Variants in TMX1 observed in about 807,000 individuals in gnomAD.
TMX1 encodes thioredoxin-related transmembrane protein 1.
A neutral mutation model predicts 36.6 loss-of-function variants in TMX1; 25 were observed. The ratio of observed to expected loss-of-function variants is 0.68; its 90% confidence interval spans 0.50 to 0.95. TMX1 has a LOEUF of 0.95. Among genes scored for constraint, TMX1 ranks in the 40% least tolerant of loss-of-function variants. The pLI is 0.00. For missense variants in TMX1, 347 were observed against 339.6 expected (o/e 1.02, Z -0.17); for synonymous variants, 133 against 118.0 (o/e 1.13, Z -0.82).
chr14:51,253,873 A>G (rs2065826144), intron 7 of TMX1: 1 of 152,462 alleles, frequency 6.6e-6, no homozygotes, highest in Non-Finnish European at 1.5e-5. Flanking sequence ...ATACTGTTTA[A>G]GTTTTAGTAT....
chr14:51,245,451 T>A, intron 3 of TMX1, 93 bp downstream of exon 3: 1 of 1,571,988 alleles, frequency 6.4e-7, no homozygotes, highest in Non-Finnish European at 8.6e-7. Context: ...CTGGAAGAGC[T>A]GAGGTAATCT....
In TMX1 at chr14:51,256,635, C is replaced by T. The variant is rs2065839929; in HGVS notation, c.*2116C>T. On this transcript the variant is annotated 3_prime_UTR_variant, in exon 8 of 8. Transcript: ENST00000457354. ...CTCTAGAGGAAAATACAGTATTCTACCTTACGTTGTGTAAATACTTAATGA... is the reference window on the plus strand; with the variant it reads ...CTCTAGAGGAAAATACAGTATTCTATCTTACGTTGTGTAAATACTTAATGA... 6.6e-6 allele frequency: 1 copy of T among 152,072 alleles called. No individual in the cohort carries two copies. The highest frequency in any genetic ancestry group is 1.5e-5 in the Non-Finnish European group (1 of 67,990). 9.4% of individuals were successfully genotyped at this position (152,072 alleles called of 1,614,324 possible).
intron 1 of TMX1, among the ~76,000 whole-genome samples, chr14:51,241,333 A>G (rs922169850): frequency 4.6e-5 from 7 of 152,228 alleles, no homozygotes; most frequent in African/African-American, 1.7e-4. Context: ...TATTAGCAGT[A>G]TTTACTGATA....
At chr14:51,245,831 T>G (rs1317435959) in intron 3 of TMX1, 3 of 261,576 alleles carry the variant, frequency 1.1e-5, no homozygotes, top group Non-Finnish European at 1.5e-5. Flanking sequence ...AAAAAGTAGC[T>G]AAGAAAGTGC....
chr14:51,249,659 A>C, intron 6 of TMX1, 34 bp from the exon 7 acceptor site: 1 of 1,601,958 alleles, frequency 6.2e-7, no homozygotes, highest in African/African-American at 1.3e-5. Context: ...CATATATTCT[A>C]CATTCAGATT....
chr14:51,255,199 T>C lies in TMX1; in HGVS notation c.*680T>C, dbSNP rs1220760223. On this transcript the variant is annotated 3_prime_UTR_variant, in exon 8 of 8. Coordinates refer to ENST00000457354, the MANE Select transcript of TMX1 (RefSeq NM_030755.5). ...TGTATTTTTCTTACTTACTATGGGT[T>C]ACATTTTTTATTTTTCAAATTGGAT... The C allele has an allele frequency of 6.6e-6, 1 of 152,078 alleles. No homozygotes were observed. The highest frequency in any genetic ancestry group is 2.4e-5 in the African/African-American group (1 of 41,456). The allele number at this position is 152,078 out of a possible 1,614,324, so 9.4% of individuals were successfully genotyped here. A position where few individuals can be genotyped will look rare whatever the true frequency, so the allele number is the denominator to read the frequency against.
rs1400854190 is a variant in TMX1, at chr14:51,254,859, A to C, written c.*340A>C. The C allele has an allele frequency of 6.1e-6, 1 of 162,768 alleles. No homozygotes were observed. Among genetic ancestry groups the C allele is most frequent in the Non-Finnish European group, 1.3e-5 (1 of 75,140 alleles). The allele number at this position is 162,768 out of a possible 1,614,324, so 10.1% of individuals were successfully genotyped here. A position where few individuals can be genotyped will look rare whatever the true frequency, so the allele number is the denominator to read the frequency against. ...TTGCATTATTGAGGTATTTAAGAAG[A>C]TTATTTTAGAGAAAAATATTTCTCA... On this transcript the variant is annotated 3_prime_UTR_variant, in exon 8 of 8. Transcript: ENST00000457354.
At chr14:51,252,855 G>C (rs2065821244) in intron 7 of TMX1, among the ~76,000 whole-genome samples, 1 of 152,170 alleles carries the variant, frequency 6.6e-6, no homozygotes, top group Non-Finnish European at 1.5e-5. Flanking sequence ...ATGTTGTTAA[G>C]ATGCTGTTTC....
intron 7 of TMX1, among the ~76,000 whole-genome samples, chr14:51,251,701 C>A (rs2065814595): frequency 6.6e-6 from 1 of 152,152 alleles, no homozygotes; most frequent in Non-Finnish European, 1.5e-5. Context: ...GTCATCTTAC[C>A]ACTTAGAGCA....
intron 2 of TMX1, 127 bp downstream of exon 2, chr14:51,244,098 A>G (rs1346696833): frequency 2.8e-6 from 2 of 724,582 alleles, no homozygotes; most frequent in Non-Finnish European, 4.1e-6. Context: ...GTCTGCAGCT[A>G]GTTAACCTGA....
At chr14:51,249,820 G>T in intron 7 of TMX1, 55 bp downstream of exon 7, 1 of 1,346,278 alleles carries the variant, frequency 7.4e-7, no homozygotes, top group Non-Finnish European at 1.0e-6. Flanking sequence ...ATTCATTTCT[G>T]TAATCACAAT....
intron 7 of TMX1, among the ~76,000 whole-genome samples, chr14:51,252,146 T>G (rs1467115538): frequency 6.6e-6 from 1 of 151,566 alleles, no homozygotes; most frequent in Non-Finnish European, 1.5e-5. Flanking sequence ...ATACTCTACC[T>G]CTTTTAGGAA....
rs777391879 is a variant in TMX1, at chr14:51,240,462, A to T, written c.152+18A>T. The T allele has an allele frequency of 6.2e-7, 1 of 1,611,924 alleles. No individual in the cohort carries two copies. The highest frequency in any genetic ancestry group is 8.5e-7 in the Non-Finnish European group (1 of 1,179,096). Reference sequence around the variant, plus strand: ...ATAGAATTGTGAGTGCGGGGCGGCCAGGGTCCTACGTCCGTGCCTGGACAC... The same window carrying T: ...ATAGAATTGTGAGTGCGGGGCGGCCTGGGTCCTACGTCCGTGCCTGGACAC... On this transcript the variant is annotated intron_variant, in intron 1 of 7. Coordinates refer to ENST00000457354, the MANE Select transcript of TMX1 (RefSeq NM_030755.5).
intron 1 of TMX1, among the ~76,000 whole-genome samples, 170 bp downstream of exon 1, chr14:51,240,614 C>T (rs1566708420): frequency 6.6e-6 from 1 of 152,152 alleles, no homozygotes; most frequent in Non-Finnish European, 1.5e-5. Context: ...CCAGCTTGGT[C>T]CCACCCCCTC....
Position 51,254,537 on chromosome 14 carries a change from C to A in TMX1, c.*18C>A. 1 of 1,563,844 alleles carries A rather than the reference C, an allele frequency of 6.4e-7. No homozygotes were observed. The highest frequency in any genetic ancestry group is 8.6e-7 in the Non-Finnish European group (1 of 1,161,882). On this transcript the variant is annotated 3_prime_UTR_variant, in exon 8 of 8. Transcript: ENST00000457354. The stretch of plus-strand genomic sequence containing the variant: ...AATCCTAGTTAAATTTTATAGTTAT[C>A]TTAATATTATGATTTTGATAAAAAC...
At chr14:51,247,313 T>A in intron 4 of TMX1, 93 bp downstream of exon 4, 1 of 1,395,390 alleles carries the variant, frequency 7.2e-7, no homozygotes, top group Non-Finnish European at 9.6e-7. Flanking sequence ...AGTTTGTTTC[T>A]TGAGCTGTTA....
chr14:51,243,290 T>C (rs2065770407), intron 1 of TMX1, among the ~76,000 whole-genome samples: 1 of 152,236 alleles, frequency 6.6e-6, no homozygotes, highest in African/African-American at 2.4e-5. Flanking sequence ...TTAGTATTTG[T>C]GTGTGGGTTA....
Position 51,257,480 on chromosome 14 carries a change from T to G in TMX1, c.*2961T>G, listed in dbSNP as rs1337633964. On this transcript the variant is annotated 3_prime_UTR_variant, in exon 8 of 8. Transcript: ENST00000457354. ...TTTATTAATAAGAATTTATTTCAGT[T>G]GGACTTATTAAATGAGTGGTTTTGC... The G allele has an allele frequency of 1.3e-5, 2 of 152,194 alleles. No individual in the cohort carries two copies. Among genetic ancestry groups the G allele is most frequent in the East Asian group, 3.9e-4 (2 of 5,192 alleles). The allele number at this position is 152,194 out of a possible 1,614,324, so 9.4% of individuals were successfully genotyped here. A position where few individuals can be genotyped will look rare whatever the true frequency, so the allele number is the denominator to read the frequency against.
chr14:51,247,882 A>G (rs1296390607), intron 4 of TMX1, among the ~76,000 whole-genome samples: 1 of 152,218 alleles, frequency 6.6e-6, no homozygotes, highest in Non-Finnish European at 1.5e-5. Flanking sequence ...AGTAGGCTCA[A>G]ACTTGTACTC....
Sources: gnomAD v4.1 joint callset for allele counts (sites outside exome capture counted in the v4.1 genomes callset) on GRCh38, gnomAD v4.1.1 for gene constraint, MANE v1.5 for transcripts, NCBI Gene and HGNC (gene_info 2026-07-23, HGNC 2026-07-21) for gene names.